ASPRV1: variants seen among roughly 807,000 people sequenced by gnomAD.
ASPRV1 encodes the protein aspartic peptidase retroviral like 1.
Under a neutral mutation model 11.0 loss-of-function variants are expected in ASPRV1, and 7 were observed. The observed-to-expected ratio is 0.64, with a 90% confidence interval of 0.36 to 1.20. ASPRV1 has a LOEUF of 1.20. Ranked by LOEUF, ASPRV1 falls within the 50% of genes most tolerant of loss-of-function variation. The probability of loss-of-function intolerance (pLI) is 0.02; values close to 1 mark genes in which losing one functional copy is unlikely to be tolerated. For missense variants in ASPRV1, 299 were observed against 320.0 expected (o/e 0.93, Z 0.50); for synonymous variants, 136 against 138.4 (o/e 0.98, Z 0.12).
At chr2:69,959,503 A>C (rs1330563334), downstream of ASPRV1, among the ~76,000 whole-genome samples, 1 of 151,946 alleles carries the variant, frequency 6.6e-6, no homozygotes, top group East Asian at 1.9e-4. Flanking sequence ...TGCACACCCC[A>C]TTCCCAGATC....
the ASPRV1 span, chr2:70,055,651 C>T: frequency 6.6e-6 from 1 of 152,078 alleles, no homozygotes; most frequent in Non-Finnish European, 1.5e-5. Flanking sequence ...GGGGAGGGAA[C>T]TTACAGGATA....
the ASPRV1 span, among the ~76,000 whole-genome samples, chr2:70,060,762 G>A: frequency 6.6e-6 from 1 of 152,206 alleles, no homozygotes; most frequent in East Asian, 1.9e-4. Context: ...GCTGCAGTAA[G>A]CTGAGATCGC....
At chr2:69,933,200 C>CAA in the ASPRV1 span, among the ~76,000 whole-genome samples, 285 of 79,740 alleles carry the variant, frequency 3.6e-3, no homozygotes, top group Middle Eastern at 0.019. Flanking sequence ...AACTCTGTCT[C>CAA]AAAAAAAAAA....
At chr2:70,001,729 C>T in the ASPRV1 span, among the ~76,000 whole-genome samples, 1 of 152,092 alleles carries the variant, frequency 6.6e-6, no homozygotes, top group Admixed American at 6.6e-5. Flanking sequence ...CATTGCACCC[C>T]AGCCTGAGCA....
At chr2:69,961,961 G>A (rs1483368873), upstream of ASPRV1, 24 of 390,172 alleles carry the variant, frequency 6.2e-5, no homozygotes, top group Middle Eastern at 6.8e-4. Context: ...GGGACCAGAC[G>A]CCCATCAGCT....
the ASPRV1 span, among the ~76,000 whole-genome samples, chr2:70,075,629 C>A: frequency 6.6e-6 from 1 of 152,038 alleles, no homozygotes; most frequent in Non-Finnish European, 1.5e-5. Flanking sequence ...GGCAGATCAC[C>A]TGAGGCTGGG....
chr2:70,050,364 A>G, the ASPRV1 span: 1 of 152,210 alleles, frequency 6.6e-6, no homozygotes, highest in Admixed American at 6.6e-5. Flanking sequence ...CAGATGGATC[A>G]AAGATTTAAA....
At chr2:70,061,681 G>A in the ASPRV1 span, among the ~76,000 whole-genome samples, 1 of 151,938 alleles carries the variant, frequency 6.6e-6, no homozygotes, top group Non-Finnish European at 1.5e-5. Context: ...AGGACCGGGT[G>A]CAGTGGCTCA....
chr2:69,995,017 A>AAATT, the ASPRV1 span, among the ~76,000 whole-genome samples: 5 of 151,202 alleles, frequency 3.3e-5, no homozygotes, highest in East Asian at 2.0e-4. Flanking sequence ...ATAAATAAAT[A>AAATT]AATTAATTAA....
downstream of ASPRV1, among the ~76,000 whole-genome samples, chr2:69,959,922 T>A (rs1370085509): frequency 1.3e-5 from 2 of 152,132 alleles, no homozygotes; most frequent in African/African-American, 4.8e-5. Flanking sequence ...AGGGAATAAG[T>A]CAAAATATTT....
chr2:70,000,182 A>C, the ASPRV1 span, among the ~76,000 whole-genome samples: 1 of 152,134 alleles, frequency 6.6e-6, no homozygotes, highest in Admixed American at 6.5e-5. Flanking sequence ...TCTAGGATAA[A>C]ATATTTGTAA....
At chr2:69,935,507 A>G in the ASPRV1 span, 1 of 1,371,430 alleles carries the variant, frequency 7.3e-7, no homozygotes, top group Non-Finnish European at 1.0e-6. Flanking sequence ...TTACCTGTTC[A>G]GTGAGGGTTT....
At chr2:70,057,875 C>T in the ASPRV1 span, among the ~76,000 whole-genome samples, 1 of 151,932 alleles carries the variant, frequency 6.6e-6, no homozygotes, top group Non-Finnish European at 1.5e-5. Flanking sequence ...CTCACTGCAA[C>T]CTCTGCCTCC....
downstream of ASPRV1, among the ~76,000 whole-genome samples, chr2:69,956,845 T>C (rs1295400063): frequency 6.6e-6 from 1 of 152,196 alleles, no homozygotes; most frequent in East Asian, 1.9e-4. Context: ...TGGGTATTCC[T>C]GCCCGAAACC....
chr2:69,968,850 C>T, the ASPRV1 span, among the ~76,000 whole-genome samples: 5 of 152,144 alleles, frequency 3.3e-5, no homozygotes, highest in East Asian at 1.9e-4. Context: ...GGCTGCTGAA[C>T]GGACTCTCCC....
the ASPRV1 span, among the ~76,000 whole-genome samples, chr2:69,998,989 T>A: frequency 6.6e-6 from 1 of 152,198 alleles, no homozygotes; most frequent in Non-Finnish European, 1.5e-5. Context: ...CACAGGACTG[T>A]CTCTGGGCCA....
the ASPRV1 span, among the ~76,000 whole-genome samples, chr2:70,002,427 G>A: frequency 6.6e-6 from 1 of 152,184 alleles, no homozygotes; most frequent in South Asian, 2.1e-4. Context: ...AAGAAAGAAT[G>A]TGTCACTTCT....
chr2:69,989,829 G>T, the ASPRV1 span, among the ~76,000 whole-genome samples: 1 of 152,210 alleles, frequency 6.6e-6, no homozygotes, highest in African/African-American at 2.4e-5. Flanking sequence ...CTTCTTGAAG[G>T]CGGGGACCCA....
chr2:70,025,648 C>T, the ASPRV1 span, among the ~76,000 whole-genome samples: 2 of 152,202 alleles, frequency 1.3e-5, no homozygotes, highest in Non-Finnish European at 2.9e-5. Context: ...GCCCCTCAGG[C>T]AGGTGCTTTG....
Sources: gnomAD v4.1 joint callset for allele counts (sites outside exome capture counted in the v4.1 genomes callset) on GRCh38, gnomAD v4.1.1 for gene constraint, MANE v1.5 for transcripts, NCBI Gene and HGNC (gene_info 2026-07-23, HGNC 2026-07-21) for gene names.